The following IDO2 variants were observed in gnomAD, a reference collection of about 807,000 sequenced individuals.
IDO2 encodes the protein indoleamine 2,3-dioxygenase 2.
In IDO2, 46 loss-of-function variants were observed where a neutral mutation model predicts 45.1. The observed-to-expected ratio is 1.02, with a 90% confidence interval of 0.80 to 1.30. The LOEUF is 1.30. Among genes scored for constraint, IDO2 ranks in the 50% most tolerant of loss-of-function variants. IDO2 has a pLI of 0.00. For missense variants in IDO2, 544 were observed against 491.8 expected, an observed-to-expected ratio of 1.11 and a Z score of -1.00; for synonymous variants, 218 against 184.9, an observed-to-expected ratio of 1.18 and a Z score of -1.45.
chr8:40,011,840 C>T (rs71519524), intron 9 of IDO2, among the ~76,000 whole-genome samples: 3,893 of 152,308 alleles, frequency 0.026, 57 homozygotes, highest in Non-Finnish European at 0.038. Context: ...AAATTAAATT[C>T]CATATCTGCT....
chr8:39,969,646 G>A (rs1276768185), intron 3 of IDO2, among the ~76,000 whole-genome samples: 5 of 152,316 alleles, frequency 3.3e-5, no homozygotes, highest in South Asian at 2.1e-4. Context: ...AAGCCAAGGC[G>A]GGGAGATCAC....
chr8:39,958,184 C>T (rs1418544107), intron 2 of IDO2, among the ~76,000 whole-genome samples: 11 of 151,886 alleles, frequency 7.2e-5, no homozygotes, highest in African/African-American at 2.4e-5. Flanking sequence ...GGATTACAGG[C>T]GCGAGCCACC....
intron 2 of IDO2, among the ~76,000 whole-genome samples, chr8:39,952,666 T>A (rs531864438): frequency 1.0e-3 from 157 of 152,234 alleles, no homozygotes; most frequent in African/African-American, 3.6e-3. Flanking sequence ...AGGGCTAATT[T>A]TTCTTTAGAC....
intron 9 of IDO2, among the ~76,000 whole-genome samples, chr8:40,009,042 T>A (rs917434660): frequency 1.3e-5 from 2 of 152,070 alleles, no homozygotes; most frequent in African/African-American, 4.8e-5. Context: ...TAGATGGAGG[T>A]CTCGCTTTGT....
intron 2 of IDO2, among the ~76,000 whole-genome samples, chr8:39,959,257 G>A (rs913078761): frequency 5.4e-5 from 8 of 149,366 alleles, no homozygotes; most frequent in African/African-American, 1.7e-4. Context: ...ACAGGTGCCC[G>A]CCACCACGCT....
At position 40,009,883 on chromosome 8, in the gene IDO2, G is replaced by C. The variant is rs578104761; in HGVS notation, c.720-3682G>C. Among the ~76,000 whole-genome samples, 31 of 152,166 alleles carry C rather than the reference G, an allele frequency of 2.0e-4. 1 individual carries two copies. The highest frequency in any genetic ancestry group is 7.2e-4 in the African/African-American group (30 of 41,500). ...AACTATGCTTGGGCTACATATTCTG[G>C]ATATATAATACATACTTGTAGGATG... On this transcript the variant is annotated intron_variant, in intron 9 of 10. Transcript: ENST00000502986.
At chr8:39,959,392 G>A (rs1807959754) in intron 2 of IDO2, among the ~76,000 whole-genome samples, 1 of 88,618 alleles carries the variant, frequency 1.1e-5, no homozygotes, top group African/African-American at 3.5e-5. Context: ...GGGATTACAG[G>A]CGTGAGCCAC....
intron 9 of IDO2, among the ~76,000 whole-genome samples, chr8:40,005,772 A>G (rs1232778271): frequency 6.6e-6 from 1 of 152,192 alleles, no homozygotes; most frequent in Non-Finnish European, 1.5e-5. Context: ...TTTCTTCTAA[A>G]GTTCCTGGAA....
intron 1 of IDO2, among the ~76,000 whole-genome samples, chr8:39,944,780 A>T (rs1807706557): frequency 1.3e-5 from 2 of 152,078 alleles, no homozygotes; most frequent in Admixed American, 1.3e-4. Flanking sequence ...TCTAAACCAA[A>T]GTATAAAAGA....
At chr8:40,005,368 T>C (rs1563441605) in exon 9 of IDO2, 1 of 1,570,472 alleles carries the variant, frequency 6.4e-7, no homozygotes. Flanking sequence ...CATCCGGATC[T>C]TTCTCTCTGG....
chr8:39,964,732 T>C (rs1454101936), intron 3 of IDO2, among the ~76,000 whole-genome samples: 2 of 152,208 alleles, frequency 1.3e-5, no homozygotes, highest in African/African-American at 4.8e-5. Flanking sequence ...AAATGTTGTG[T>C]TGACATGACC....
In IDO2 at chr8:39,950,312, C is replaced by G. The variant is rs766931284; in HGVS notation, c.99+1048C>G. 4.6e-5 allele frequency among the ~76,000 whole-genome samples: 7 copies of G among 152,158 alleles called. No individual in the cohort carries two copies. The South Asian group carries it at 8.3e-4, about 18-fold the overall frequency. ...TTGGGAGGCCAAGGCAGGTGGATCA[C>G]TTGAGGTTCAGGAGTTCAAGACCAG... On this transcript the variant is annotated intron_variant, in intron 2 of 10. Coordinates refer to ENST00000502986, the Ensembl canonical transcript of IDO2.
chr8:39,936,856 G>A lies in IDO2; in HGVS notation c.-18+1638G>A, dbSNP rs148075827. On this transcript the variant is annotated intron_variant, in intron 1 of 10. Transcript: ENST00000502986. ...ATTTCCAAAGAAGAAAATAAACGTG[G>A]AAGTCGTCCTTCCTTTTTGGTATGC... 5.9e-3 allele frequency among the ~76,000 whole-genome samples: 904 copies of A among 152,314 alleles called. 3 individuals carry two copies. The highest frequency in any genetic ancestry group is 8.8e-3 in the Admixed American group (135 of 15,286).
intron 7 of IDO2, 147 bp downstream of exon 7, chr8:39,988,117 C>T (rs1165971334): frequency 3.7e-6 from 2 of 547,912 alleles, no homozygotes; most frequent in African/African-American, 1.9e-5. Flanking sequence ...GAGATCTAAG[C>T]TCTAGGCCAC....
chr8:39,958,085 C>T (rs1223737005), intron 2 of IDO2, among the ~76,000 whole-genome samples: 1 of 151,430 alleles, frequency 6.6e-6, no homozygotes, highest in Non-Finnish European at 1.5e-5. Flanking sequence ...TTTTGTATTT[C>T]TACTAGAGAC....
intron 3 of IDO2, among the ~76,000 whole-genome samples, chr8:39,974,781 C>T (rs1232876184): frequency 1.3e-5 from 2 of 152,084 alleles, no homozygotes; most frequent in Non-Finnish European, 2.9e-5. Context: ...ATTAGCTGGG[C>T]GTGGTGGCAC....
At chr8:39,985,770 C>T (rs553613125) in intron 6 of IDO2, 54 of 445,314 alleles carry the variant, frequency 1.2e-4, no homozygotes, top group African/African-American at 1.1e-3. Flanking sequence ...CATAATAAAA[C>T]AAGTAATGTG....
exon 6 of IDO2, chr8:39,985,509 T>G (rs1287741700): frequency 6.4e-7 from 1 of 1,564,966 alleles, no homozygotes; most frequent in African/African-American, 1.4e-5. Flanking sequence ...TTGGGCTAGA[T>G]TCCTGGAAAT....
At chr8:39,977,538 A>C (rs1180820203) in intron 3 of IDO2, among the ~76,000 whole-genome samples, 2 of 152,208 alleles carry the variant, frequency 1.3e-5, no homozygotes, top group Non-Finnish European at 2.9e-5. Context: ...AAAATTAGCC[A>C]GATGCAGTGG....
Sources: gnomAD v4.1 joint callset for allele counts (sites outside exome capture counted in the v4.1 genomes callset) on GRCh38, gnomAD v4.1.1 for gene constraint, MANE v1.5 for transcripts, NCBI Gene and HGNC (gene_info 2026-07-23, HGNC 2026-07-21) for gene names.